Variants in PPARG observed in about 807,000 individuals in gnomAD.
PPARG encodes peroxisome proliferator activated receptor gamma, also known as peroxisome proliferator-activated receptor gamma.
In PPARG, 17 loss-of-function variants were observed where a neutral mutation model predicts 39.2. The observed-to-expected ratio is 0.43, with a 90% CI of 0.30 to 0.65. PPARG has a LOEUF of 0.65. Among genes scored for constraint, PPARG ranks in the 30% least tolerant of loss-of-function variants. The pLI is 0.13. For missense variants in PPARG, 406 were observed against 585.9 expected, an observed-to-expected ratio of 0.69 and a Z score of 3.17; for synonymous variants, 223 against 215.7, an observed-to-expected ratio of 1.03 and a Z score of -0.30.
chr3:12,398,570 T>C (rs181973817), intron 5 of PPARG, among the ~76,000 whole-genome samples: 1 of 152,258 alleles, frequency 6.6e-6, no homozygotes, highest in Admixed American at 6.5e-5. Flanking sequence ...TCAGCACCCA[T>C]TGTAGGTTAG....
At chr3:12,290,813 A>G (rs562042330) in intron 1 of PPARG, among the ~76,000 whole-genome samples, 2 of 152,332 alleles carry the variant, frequency 1.3e-5, no homozygotes, top group African/African-American at 4.8e-5. Context: ...AGTATTAATA[A>G]TACATTTCAT....
intron 2 of PPARG, among the ~76,000 whole-genome samples, chr3:12,327,506 A>G (rs1035403937): frequency 1.3e-5 from 2 of 152,224 alleles, no homozygotes; most frequent in South Asian, 2.1e-4. Flanking sequence ...AACTAGAGAC[A>G]TAGTCTAGTT....
At chr3:12,365,604 A>C (rs1243086794) in intron 2 of PPARG, among the ~76,000 whole-genome samples, 2 of 151,772 alleles carry the variant, frequency 1.3e-5, no homozygotes, top group African/African-American at 4.8e-5. Context: ...TGTTATTATT[A>C]TATTTTTTTG....
chr3:12,310,817 A>C (rs895143701), intron 1 of PPARG, among the ~76,000 whole-genome samples: 7 of 141,280 alleles, frequency 5.0e-5, no homozygotes, highest in South Asian at 4.5e-4. Context: ...AAAAAAAAAA[A>C]AAAAAAACCC....
At position 12,310,698 on chromosome 3, in the gene PPARG, C is replaced by T. The variant is rs185799861; in HGVS notation, c.-82-1682C>T. Reference sequence around the variant, plus strand: ...CGGGATGGTCTCGATCTCCAGACCTCGTGATCCGCCCGCCTCGGCCTCCCA... The same window carrying T: ...CGGGATGGTCTCGATCTCCAGACCTTGTGATCCGCCCGCCTCGGCCTCCCA... On this transcript the variant is annotated intron_variant, in intron 1 of 7. Transcript: ENST00000651735. Among the ~76,000 whole-genome samples, 27 of 83,734 alleles carry T rather than the reference C, an allele frequency of 3.2e-4. 4 individuals are homozygous for T. The highest frequency in any genetic ancestry group is 6.1e-4 in the Non-Finnish European group (23 of 37,594). The allele number at this position is 83,734 out of a possible 152,430, so 54.9% of individuals were successfully genotyped here. A position where few individuals can be genotyped will look rare whatever the true frequency, so the allele number is the denominator to read the frequency against.
intron 6 of PPARG, among the ~76,000 whole-genome samples, chr3:12,415,835 A>G (rs1412900778): frequency 6.6e-6 from 1 of 152,190 alleles, no homozygotes; most frequent in Non-Finnish European, 1.5e-5. Context: ...AGCATATTTT[A>G]TGTGCACATA....
intron 2 of PPARG, among the ~76,000 whole-genome samples, chr3:12,374,156 T>C (rs1398595054): frequency 6.6e-6 from 1 of 152,192 alleles, no homozygotes; most frequent in African/African-American, 2.4e-5. Context: ...TCCACCAGTA[T>C]GCCCTTACTA....
intron 1 of PPARG, among the ~76,000 whole-genome samples, chr3:12,303,306 C>T (rs2124961046): frequency 6.6e-6 from 1 of 152,252 alleles, no homozygotes; most frequent in Admixed American, 6.5e-5. Flanking sequence ...AAGCGATTCT[C>T]CTGCCTTACC....
intron 2 of PPARG, among the ~76,000 whole-genome samples, chr3:12,314,762 G>A (rs956239606): frequency 6.6e-6 from 1 of 152,084 alleles, no homozygotes; most frequent in East Asian, 1.9e-4. Context: ...AGGAAAACTG[G>A]TGAAATCCAA....
intron 1 of PPARG, among the ~76,000 whole-genome samples, chr3:12,293,795 A>G (rs2046710248): frequency 6.6e-6 from 1 of 152,230 alleles, no homozygotes; most frequent in Admixed American, 6.5e-5. Flanking sequence ...ATTTTCCTTC[A>G]TATCGAGGGC....
chr3:12,351,649 T>C (rs755335866), intron 2 of PPARG: 2 of 1,610,978 alleles, frequency 1.2e-6, no homozygotes, highest in Admixed American at 1.7e-5. Flanking sequence ...CCTTCACTGA[T>C]ACACTGTCTG....
intron 5 of PPARG, among the ~76,000 whole-genome samples, chr3:12,394,786 A>C (rs1376808123): frequency 3.3e-5 from 5 of 152,222 alleles, no homozygotes; most frequent in African/African-American, 1.2e-4. Context: ...CTAAATACAA[A>C]GTTTTCTAGG....
At chr3:12,311,264 C>T (rs557985758) in intron 1 of PPARG, among the ~76,000 whole-genome samples, 1 of 152,126 alleles carries the variant, frequency 6.6e-6, no homozygotes, top group African/African-American at 2.4e-5. Flanking sequence ...CCACCATGCC[C>T]AGCTAATTTT....
chr3:12,414,048 G>C (rs1395729595), intron 6 of PPARG, among the ~76,000 whole-genome samples: 1 of 152,118 alleles, frequency 6.6e-6, no homozygotes, highest in African/African-American at 2.4e-5. Flanking sequence ...GAGGGGACAG[G>C]GGAAGTAAAG....
At chr3:12,376,685 CG>C (rs2049425602) in intron 2 of PPARG, among the ~76,000 whole-genome samples, 1 of 152,122 alleles carries the variant, frequency 6.6e-6, no homozygotes, top group Non-Finnish European at 1.5e-5. Flanking sequence ...TAGGATGTAC[CG>C]GGCACATGGG....
chr3:12,348,789 A>T (rs1014285930), intron 2 of PPARG, among the ~76,000 whole-genome samples: 3 of 152,222 alleles, frequency 2.0e-5, no homozygotes, highest in African/African-American at 7.2e-5. Flanking sequence ...TGCTGCATTG[A>T]CGTGCAAAGT....
At chr3:12,428,752 A>C (rs1011042920) in intron 7 of PPARG, among the ~76,000 whole-genome samples, 1 of 152,198 alleles carries the variant, frequency 6.6e-6, no homozygotes, top group African/African-American at 2.4e-5. Flanking sequence ...TTTGCCCTTG[A>C]CTAGAGCTTA....
chr3:12,402,005 T>C (rs1337894254), intron 5 of PPARG, among the ~76,000 whole-genome samples: 1 of 152,240 alleles, frequency 6.6e-6, no homozygotes, highest in Non-Finnish European at 1.5e-5. Context: ...CTAGTAAATG[T>C]AGTAAGTGGC....
intron 2 of PPARG, among the ~76,000 whole-genome samples, chr3:12,320,377 GTAA>G: frequency 6.6e-6 from 1 of 152,242 alleles, no homozygotes; most frequent in East Asian, 1.9e-4. Context: ...TTCCTTGCTG[GTAA>G]TAATGTGTTT....
Sources: gnomAD v4.1 joint callset for allele counts (sites outside exome capture counted in the v4.1 genomes callset) on GRCh38, gnomAD v4.1.1 for gene constraint, MANE v1.5 for transcripts, NCBI Gene and HGNC (gene_info 2026-07-23, HGNC 2026-07-21) for gene names.